The following CAMK1D variants were observed in gnomAD, a reference collection of about 807,000 sequenced individuals.
The protein encoded by CAMK1D is calcium/calmodulin dependent protein kinase ID, also known as calcium/calmodulin-dependent protein kinase type 1D.
A neutral mutation model predicts 47.7 loss-of-function variants in CAMK1D; 9 were observed. The ratio of observed to expected loss-of-function variants is 0.19; its 90% CI spans 0.11 to 0.33. The LOEUF is 0.33. Among genes scored for constraint, CAMK1D ranks in the 10% least tolerant of loss-of-function variants. The pLI is 1.00. For missense variants in CAMK1D, 291 were observed against 488.7 expected, an observed-to-expected ratio of 0.60 and a Z score of 3.81; for synonymous variants, 184 against 184.9, an observed-to-expected ratio of 0.99 and a Z score of 0.04.
intron 3 of CAMK1D, among the ~76,000 whole-genome samples, chr10:12,678,139 A>G (rs559297085): frequency 1.3e-5 from 2 of 152,334 alleles, no homozygotes; most frequent in Non-Finnish European, 2.9e-5. Context: ...GTAAGCATTT[A>G]TAGCTATAAA....
chr10:12,822,362 T>C (rs1833046029), intron 8 of CAMK1D, among the ~76,000 whole-genome samples: 2 of 152,226 alleles, frequency 1.3e-5, no homozygotes, highest in Non-Finnish European at 2.9e-5. Flanking sequence ...GACTCCCCAC[T>C]GCTGCACAGC....
intron 2 of CAMK1D, among the ~76,000 whole-genome samples, chr10:12,624,987 C>G (rs1839161343): frequency 8.1e-6 from 1 of 123,780 alleles, no homozygotes; most frequent in African/African-American, 2.8e-5. Context: ...CCTTCTCCTT[C>G]CTCCTCTTTC....
At chr10:12,550,696 G>A (rs1431626659) in intron 1 of CAMK1D, among the ~76,000 whole-genome samples, 2 of 152,184 alleles carry the variant, frequency 1.3e-5, no homozygotes, top group Non-Finnish European at 2.9e-5. Context: ...AGTGTTTTGA[G>A]GGGAGAATCC....
intron 8 of CAMK1D, among the ~76,000 whole-genome samples, chr10:12,822,267 G>A (rs1189896359): frequency 1.3e-5 from 2 of 152,158 alleles, no homozygotes; most frequent in East Asian, 1.9e-4. Context: ...GGAGGGCCAC[G>A]GTGCACTATT....
intron 1 of CAMK1D, among the ~76,000 whole-genome samples, chr10:12,443,144 C>A (rs569655104): frequency 6.6e-6 from 1 of 151,990 alleles, no homozygotes; most frequent in African/African-American, 2.4e-5. Flanking sequence ...AAAACAGATT[C>A]AAAGATGTGA....
intron 1 of CAMK1D, among the ~76,000 whole-genome samples, chr10:12,447,929 T>C (rs951563749): frequency 1.3e-5 from 2 of 152,106 alleles, no homozygotes; most frequent in Non-Finnish European, 2.9e-5. Flanking sequence ...CTCGGCTCAC[T>C]GAAACCTCTG....
At chr10:12,755,662 T>C (rs1193847350) in intron 3 of CAMK1D, among the ~76,000 whole-genome samples, 1 of 152,168 alleles carries the variant, frequency 6.6e-6, no homozygotes, top group African/African-American at 2.4e-5. Context: ...CTCCAGCACC[T>C]GTTGTTTCCT....
chr10:12,469,802 G>A (rs7907938), intron 1 of CAMK1D, among the ~76,000 whole-genome samples: 52,744 of 152,092 alleles, frequency 0.35, 9,721 homozygotes, highest in Non-Finnish European at 0.41. Flanking sequence ...GCATGTGTTA[G>A]ATTCATCTTT....
At chr10:12,472,598 C>A (rs1440743732) in intron 1 of CAMK1D, among the ~76,000 whole-genome samples, 2 of 152,058 alleles carry the variant, frequency 1.3e-5, no homozygotes, top group African/African-American at 4.8e-5. Context: ...GATCTCGGCT[C>A]ACTGTAACCG....
intron 6 of CAMK1D, among the ~76,000 whole-genome samples, chr10:12,799,100 G>T (rs1588942519): frequency 1.3e-5 from 2 of 152,190 alleles, no homozygotes; most frequent in African/African-American, 4.8e-5. Context: ...GCAAGTCAGG[G>T]AAACCCTGGA....
chr10:12,743,346 C>CAAAA (rs199673328), intron 3 of CAMK1D, among the ~76,000 whole-genome samples: 1 of 92,400 alleles, frequency 1.1e-5, no homozygotes, highest in African/African-American at 5.4e-5. Flanking sequence ...GACCCTGTCT[C>CAAAA]AAAAAAAAAA....
chr10:12,361,545 C>CTTTTTTTTT (rs36015215), intron 1 of CAMK1D, among the ~76,000 whole-genome samples: 1 of 63,090 alleles, frequency 1.6e-5, no homozygotes. Context: ...GTGCCTGGCC[C>CTTTTTTTTT]TTTTTTTTTT....
chr10:12,805,367 CTTTT>C (rs35851814), intron 6 of CAMK1D, among the ~76,000 whole-genome samples: 6 of 128,696 alleles, frequency 4.7e-5, no homozygotes, highest in Admixed American at 8.1e-5. Flanking sequence ...CTTTACATTT[CTTTT>C]TTTTTTTTTT....
At chr10:12,447,201 G>T (rs1832949198) in intron 1 of CAMK1D, among the ~76,000 whole-genome samples, 1 of 152,084 alleles carries the variant, frequency 6.6e-6, no homozygotes, top group South Asian at 2.1e-4. Context: ...AAATTATAAA[G>T]ATTTGTTCGA....
chr10:12,828,646 A>C, intron 10 of CAMK1D, 123 bp from the exon 11 acceptor site: 1 of 583,796 alleles, frequency 1.7e-6, no homozygotes, highest in Non-Finnish European at 2.9e-6. Context: ...ATCTCAAGAA[A>C]AAAAAAAAAT....
chr10:12,755,705 G>A (rs1836195760), intron 3 of CAMK1D, among the ~76,000 whole-genome samples: 1 of 152,112 alleles, frequency 6.6e-6, no homozygotes, highest in Admixed American at 6.5e-5. Flanking sequence ...TAACTGGTGT[G>A]AGATAGCACA....
At chr10:12,806,673 A>G (rs905993999) in intron 6 of CAMK1D, among the ~76,000 whole-genome samples, 2 of 152,166 alleles carry the variant, frequency 1.3e-5, no homozygotes, top group Non-Finnish European at 2.9e-5. Context: ...AAAGTCACCA[A>G]CTGAGCAGGT....
At chr10:12,693,301 G>A (rs1407734008) in intron 3 of CAMK1D, among the ~76,000 whole-genome samples, 1 of 152,048 alleles carries the variant, frequency 6.6e-6, no homozygotes, top group Non-Finnish European at 1.5e-5. Flanking sequence ...GTAGGCAGAG[G>A]TCGCAGTGAG....
chr10:12,628,022 A>T (rs902349313), intron 2 of CAMK1D, among the ~76,000 whole-genome samples: 7 of 151,712 alleles, frequency 4.6e-5, no homozygotes, highest in Non-Finnish European at 8.8e-5. Flanking sequence ...CAGAGGTTGC[A>T]GTGAACCAAG....
Sources: allele counts gnomAD v4.1 joint callset (sites outside exome capture counted in the v4.1 genomes callset), GRCh38; gene constraint gnomAD v4.1.1; transcripts MANE v1.5; gene names NCBI Gene and HGNC (gene_info 2026-07-23, HGNC 2026-07-21).